CNOT6L: variants seen among roughly 807,000 people sequenced by gnomAD.
CNOT6L encodes the protein CCR4-NOT transcription complex subunit 6-like.
CNOT6L carries 7 observed loss-of-function variants against 64.0 expected under a neutral mutation model. The ratio of observed to expected loss-of-function variants is 0.11; its 90% CI spans 0.06 to 0.21. CNOT6L has a LOEUF of 0.21. CNOT6L is among the 10% of genes least tolerant of loss of function. CNOT6L has a pLI of 1.00. For synonymous variants in CNOT6L, 193 were observed against 243.4 expected, an observed-to-expected ratio of 0.79 and a Z score of 1.93; for missense variants, 245 against 669.0, an observed-to-expected ratio of 0.37 and a Z score of 6.99.
chr4:77,754,912 A>AAAAAAAAAAAAC (rs1725335775), intron 5 of CNOT6L, among the ~76,000 whole-genome samples: 1 of 144,232 alleles, frequency 6.9e-6, no homozygotes, highest in Non-Finnish European at 1.5e-5. Context: ...AAAAAAAAAA[A>AAAAAAAAAAAAC]ACCGGTTTCT....
intron 1 of CNOT6L, among the ~76,000 whole-genome samples, chr4:77,808,046 A>G (rs980508036): frequency 6.6e-6 from 1 of 152,026 alleles, no homozygotes; most frequent in Admixed American, 6.5e-5. Flanking sequence ...TTGTGAAAAA[A>G]GAATTACAAC....
chr4:77,819,656 G>A, upstream of CNOT6L: 1 of 152,010 alleles, frequency 6.6e-6, no homozygotes, highest in Non-Finnish European at 1.4e-5. Flanking sequence ...TGGTGCTGGT[G>A]CTGCGGCGGC....
At chr4:77,734,801 T>A (rs1722778569) in intron 8 of CNOT6L, among the ~76,000 whole-genome samples, 1 of 152,198 alleles carries the variant, frequency 6.6e-6, no homozygotes, top group African/African-American at 2.4e-5. Context: ...TCTAATTCTA[T>A]TTTTCTAATA....
At chr4:77,791,833 T>C (rs1730182933) in intron 1 of CNOT6L, among the ~76,000 whole-genome samples, 2 of 152,154 alleles carry the variant, frequency 1.3e-5, no homozygotes, top group Non-Finnish European at 2.9e-5. Context: ...AAACCTTGCA[T>C]CTAAAGGAAA....
In CNOT6L at chr4:77,717,578, T is replaced by G. The variant is rs192079338; in HGVS notation, c.*2853A>C. On this transcript the variant is annotated 3_prime_UTR_variant, in exon 12 of 12. Transcript: ENST00000504123. ...ACTAGAAAGTATATGAGCATATATA[T>G]TTTACTTTCATTGAATATATATATA... 1.6e-3 allele frequency: 239 copies of G among 152,426 alleles called. 1 individual carries two copies. Among genetic ancestry groups the G allele is most frequent in the African/African-American group, 5.5e-3 (230 of 41,536 alleles). 9.4% of individuals were successfully genotyped at this position (152,426 alleles called of 1,614,324 possible).
intron 4 of CNOT6L, among the ~76,000 whole-genome samples, chr4:77,760,321 G>C (rs1278439200): frequency 1.3e-5 from 2 of 152,082 alleles, no homozygotes; most frequent in Non-Finnish European, 2.9e-5. Flanking sequence ...GCTACAGTGA[G>C]CTATGATAAG....
intron 5 of CNOT6L, among the ~76,000 whole-genome samples, chr4:77,755,625 T>C (rs75053807): frequency 0.049 from 7,493 of 152,290 alleles, 225 homozygotes; most frequent in African/African-American, 0.08. Flanking sequence ...CTATAATAAA[T>C]TTGCTGATTT....
At chr4:77,726,392 C>T in intron 10 of CNOT6L, 23 bp from the exon 11 acceptor site, 1 of 1,577,392 alleles carries the variant, frequency 6.3e-7, no homozygotes, top group Non-Finnish European at 8.7e-7. Context: ...AGAAGAGACA[C>T]TTCCATTTAG....
At chr4:77,790,676 T>C (rs965406815) in intron 1 of CNOT6L, among the ~76,000 whole-genome samples, 1 of 152,146 alleles carries the variant, frequency 6.6e-6, no homozygotes, top group Non-Finnish European at 1.5e-5. Flanking sequence ...TTTGACTATA[T>C]TTGAAGATAT....
At position 77,794,356 on chromosome 4, in the gene CNOT6L, C is replaced by T. The variant is rs900571915; in HGVS notation, c.6-17964G>A. Among the ~76,000 whole-genome samples, 3 of 151,746 alleles carry T rather than the reference C, an allele frequency of 2.0e-5. No homozygotes were observed. In the South Asian group the frequency reaches 6.2e-4, roughly 32 times the overall value. On this transcript the variant is annotated intron_variant, in intron 1 of 11. Transcript: ENST00000504123. ...GCAAGAAAACTATGGACTTCATGAA[C>T]ATAAATGCAAATAAAGTCTTTTTTG...
chr4:77,724,070 G>C (rs940738955), intron 11 of CNOT6L, among the ~76,000 whole-genome samples: 1 of 150,660 alleles, frequency 6.6e-6, no homozygotes, highest in Admixed American at 6.6e-5. Flanking sequence ...GACCAGCCTG[G>C]GCAACATGGT....
chr4:77,775,574 T>G (rs930259173), intron 2 of CNOT6L, among the ~76,000 whole-genome samples: 9 of 152,164 alleles, frequency 5.9e-5, no homozygotes, highest in African/African-American at 2.2e-4. Flanking sequence ...ACTGGTGCAT[T>G]ACTACTAATT....
intron 1 of CNOT6L, among the ~76,000 whole-genome samples, chr4:77,785,515 A>T (rs997203162): frequency 2.0e-5 from 3 of 152,166 alleles, no homozygotes; most frequent in Non-Finnish European, 4.4e-5. Context: ...CAAAACACGT[A>T]TCTGAAAAAA....
chr4:77,813,868 G>GTATA (rs1334225428), intron 1 of CNOT6L, among the ~76,000 whole-genome samples: 1 of 152,150 alleles, frequency 6.6e-6, no homozygotes, highest in Non-Finnish European at 1.5e-5. Flanking sequence ...ACACAAAGTG[G>GTATA]TATATGTTCC....
intron 1 of CNOT6L, among the ~76,000 whole-genome samples, chr4:77,806,453 T>C (rs1732233462): frequency 6.6e-6 from 1 of 152,030 alleles, no homozygotes; most frequent in Admixed American, 6.6e-5. Flanking sequence ...AATTTCAAAC[T>C]GCCACCAACC....
chr4:77,781,798 T>C (rs1165277443), intron 1 of CNOT6L, among the ~76,000 whole-genome samples: 1 of 152,206 alleles, frequency 6.6e-6, no homozygotes, highest in Non-Finnish European at 1.5e-5. Flanking sequence ...TCACCCTAAG[T>C]GTAAGGTCAT....
intron 8 of CNOT6L, among the ~76,000 whole-genome samples, chr4:77,732,470 C>A (rs1458477143): frequency 1.3e-5 from 2 of 152,060 alleles, no homozygotes; most frequent in Non-Finnish European, 1.5e-5. Context: ...TCCTCACTTT[C>A]CTTCAAGCTT....
In CNOT6L at chr4:77,716,100, C is replaced by G. The variant is rs566961171; in HGVS notation, c.*4331G>C. ...GGGAAAGGCGTAAATGAATCTACTA[C>G]ACATTAGAAAAGTGACCTTTTTTAA... On this transcript the variant is annotated 3_prime_UTR_variant, in exon 12 of 12. Coordinates refer to ENST00000504123, the MANE Select transcript of CNOT6L (RefSeq NM_144571.3). 41 of 149,656 alleles carry G rather than the reference C, an allele frequency of 2.7e-4. No homozygotes were observed. The highest frequency in any genetic ancestry group is 9.5e-4 in the African/African-American group (39 of 40,876). 9.3% of individuals were successfully genotyped at this position (149,656 alleles called of 1,614,324 possible).
chr4:77,811,226 G>C (rs947636068), intron 1 of CNOT6L, among the ~76,000 whole-genome samples: 3 of 152,136 alleles, frequency 2.0e-5, no homozygotes, highest in Non-Finnish European at 2.9e-5. Flanking sequence ...CTCTCCAAAT[G>C]TGCATGTGGA....
Sources: allele counts gnomAD v4.1 joint callset (sites outside exome capture counted in the v4.1 genomes callset), GRCh38; gene constraint gnomAD v4.1.1; transcripts MANE v1.5; gene names NCBI Gene and HGNC (gene_info 2026-07-23, HGNC 2026-07-21).